ADGRE5: variants seen among roughly 807,000 people sequenced by gnomAD.
The protein encoded by ADGRE5 is CD97 molecule.
ADGRE5 carries 72 observed loss-of-function variants against 100.3 expected under a neutral mutation model. The ratio of observed to expected loss-of-function variants is 0.72; its 90% CI spans 0.59 to 0.87. The LOEUF is 0.87. Ranked by LOEUF, ADGRE5 falls within the 40% of genes least tolerant of loss-of-function variation. The pLI is 0.00. For missense variants in ADGRE5, 959 were observed against 1,094.7 expected, an observed-to-expected ratio of 0.88 and a Z score of 1.75; for synonymous variants, 439 against 447.8, an observed-to-expected ratio of 0.98 and a Z score of 0.25.
rs568310146 is a variant in ADGRE5, at chr19:14,397,427, C to T, written c.625+204C>T. Reference sequence around the variant, plus strand: ...CTGAGGGGGAAGGCTCAGGGGGACCCCAGGCAACAGCTGATGACTCACTGG... The same window carrying T: ...CTGAGGGGGAAGGCTCAGGGGGACCTCAGGCAACAGCTGATGACTCACTGG... On this transcript the variant is annotated intron_variant, in intron 6 of 19. Transcript: ENST00000242786. The T allele has an allele frequency of 1.2e-4, 81 of 663,208 alleles. No homozygotes were observed. The African/African-American group carries it at 1.3e-3, about 11-fold the overall frequency. The allele number at this position is 663,208 out of a possible 1,614,324, so 41.1% of individuals were successfully genotyped here.
intron 12 of ADGRE5, among the ~76,000 whole-genome samples, chr19:14,404,067 C>T (rs1390244015): frequency 7.9e-5 from 12 of 151,464 alleles, no homozygotes; most frequent in Admixed American, 1.3e-4. Context: ...TTAGTGGAGA[C>T]GGGGTTTCGC....
At chr19:14,381,682 A>G (rs1172880334) in intron 1 of ADGRE5, 137 bp downstream of exon 1, 7 of 1,021,782 alleles carry the variant, frequency 6.9e-6, no homozygotes, top group Non-Finnish European at 9.8e-6. Flanking sequence ...GCAGGCACTC[A>G]CGGGCACACG....
Position 14,408,216 on chromosome 19 carries a change from C to A in ADGRE5, c.*95C>A. ...CCTCCCTTCGTCCACCACTCTACTC[C>A]CTCCACCCTCCCTCCCTGATCCCGT... On this transcript the variant is annotated 3_prime_UTR_variant, in exon 20 of 20. Coordinates refer to ENST00000242786, the MANE Select transcript of ADGRE5 (RefSeq NM_078481.4). 7.5e-7 allele frequency: 1 copy of A among 1,338,312 alleles called. No homozygotes were observed. The highest frequency in any genetic ancestry group is 1.1e-6 in the Non-Finnish European group (1 of 947,568). The allele number at this position is 1,338,312 out of a possible 1,614,324, so 82.9% of individuals were successfully genotyped here.
Position 14,401,780 on chromosome 19 carries a change from G to C in ADGRE5, c.1183+20G>C, listed in dbSNP as rs200898011. On this transcript the variant is annotated intron_variant, in intron 11 of 19. Transcript: ENST00000242786. The surrounding 1 kb of genome is among the most constrained non-coding windows in gnomAD (Gnocchi z 4.1). Reference sequence around the variant, plus strand: ...ATCCAGGTAGCAGCGGTGGTCTGGAGGGGGAGCCCGTGGGAGAGAGATGGA... The same window carrying C: ...ATCCAGGTAGCAGCGGTGGTCTGGACGGGGAGCCCGTGGGAGAGAGATGGA... 271 of 1,494,444 alleles carry C rather than the reference G, an allele frequency of 1.8e-4. 1 individual carries two copies. In the African/African-American group the frequency reaches 3.6e-3, roughly 20 times the overall value. The allele number at this position is 1,494,444 out of a possible 1,614,324, so 92.6% of individuals were successfully genotyped here.
chr19:14,388,720 C>T lies in ADGRE5; in HGVS notation c.92C>T (p.Pro31Leu), dbSNP rs1186713269. 6.2e-7 allele frequency: 1 copy of T among 1,613,742 alleles called. No individual in the cohort carries two copies. The highest frequency in any genetic ancestry group is 1.3e-5 in the African/African-American group (1 of 74,908). The change falls in exon 3 of 20, where the codon CCT becomes CTT. Residue 31 changes from proline (P) to leucine (L), a missense_variant. This residue lies in a region of ADGRE5 where 114 missense variants were observed against 195.7 expected (regional missense o/e 0.58). Transcript: ENST00000242786. ...QDSRGCARWC[P>L]QNSSCVNATA... is the part of the protein sequence containing the mutation. ...CTTGCAGGCTGTGCCCGGTGGTGCC[C>T]TCAGAACTCCTCGTGTGTCAATGCC...
chr19:14,406,798 G>A lies in ADGRE5; in HGVS notation c.2115+32G>A, dbSNP rs774768569. ...ACCCACTCTCCCTCCACCGAAGCCCGAGCGCCACAGGCCCAGGCCCGGCTG... is the reference window on the plus strand; with the variant it reads ...ACCCACTCTCCCTCCACCGAAGCCCAAGCGCCACAGGCCCAGGCCCGGCTG... On this transcript the variant is annotated intron_variant, in intron 16 of 19. Transcript: ENST00000242786. This position sits in a 1 kb window ranked among gnomAD's most constrained non-coding sequence, Gnocchi z 6.0. 28 of 1,612,562 alleles carry A rather than the reference G, an allele frequency of 1.7e-5. No individual in the cohort carries two copies. The highest frequency in any genetic ancestry group is 2.7e-5 in the African/African-American group (2 of 74,866).
chr19:14,398,529 G>T (rs887702045), intron 9 of ADGRE5, among the ~76,000 whole-genome samples: 1 of 151,490 alleles, frequency 6.6e-6, no homozygotes, highest in Non-Finnish European at 1.5e-5. Context: ...AAAAAAATTA[G>T]CTGGGTGTGG....
chr19:14,406,476 G>T lies in ADGRE5; in HGVS notation c.1967G>T (p.Cys656Phe). ...CAGGGCCTGAGTACGCGCTGGCTCT[G>T]CCTGATCGGCTATGGCGTGCCCCTG... ...QGQGLSTRWL[C>F]LIGYGVPLLI... The change falls in exon 15 of 20, where the codon TGC (cysteine) becomes TTC (phenylalanine). Residue 656 changes from cysteine to phenylalanine, a missense_variant. Cys to Phe is a radical substitution (Grantham distance 205). Transcript: ENST00000242786. This position sits in a 1 kb window ranked among gnomAD's most constrained non-coding sequence, Gnocchi z 6.0. 2 of 1,566,462 alleles carry T rather than the reference G, an allele frequency of 1.3e-6. No individual in the cohort carries two copies. Among genetic ancestry groups the T allele is most frequent in the Non-Finnish European group, 1.7e-6 (2 of 1,155,734 alleles).
chr19:14,387,741 A>G (rs1273304401), intron 1 of ADGRE5, among the ~76,000 whole-genome samples: 1 of 151,086 alleles, frequency 6.6e-6, no homozygotes, highest in Non-Finnish European at 1.5e-5. Context: ...AAAAAAAATT[A>G]TTTTTAATTT....
chr19:14,398,246 G>A (rs1975860454), intron 9 of ADGRE5, 107 bp downstream of exon 9: 1 of 949,520 alleles, frequency 1.1e-6, no homozygotes. Context: ...TCTAGTCAGA[G>A]ACACACATGC....
At chr19:14,389,788 G>T (rs1221357101) in intron 3 of ADGRE5, among the ~76,000 whole-genome samples, 1 of 151,628 alleles carries the variant, frequency 6.6e-6, no homozygotes, top group Non-Finnish European at 1.5e-5. Context: ...AGAAAAGTAG[G>T]CCCGGCATGG....
At chr19:14,394,573 A>G (rs1975709053) in intron 4 of ADGRE5, among the ~76,000 whole-genome samples, 1 of 152,118 alleles carries the variant, frequency 6.6e-6, no homozygotes, top group Non-Finnish European at 1.5e-5. Flanking sequence ...CATAAAACAA[A>G]AGGGGGCTGG....
intron 4 of ADGRE5, among the ~76,000 whole-genome samples, chr19:14,393,429 C>T (rs185676012): frequency 4.6e-5 from 7 of 152,346 alleles, no homozygotes; most frequent in Admixed American, 4.6e-4. Context: ...ACTGGGACTC[C>T]AGGCTTTGCC....
intron 13 of ADGRE5, chr19:14,404,970 A>G (rs1976165908): frequency 5.2e-6 from 1 of 194,034 alleles, no homozygotes; most frequent in African/African-American, 2.4e-5. Flanking sequence ...TAGCCTCCCG[A>G]GTAGCCGAGA....
At chr19:14,384,974 C>CT (rs1174651944) in intron 1 of ADGRE5, among the ~76,000 whole-genome samples, 1 of 110,468 alleles carries the variant, frequency 9.1e-6, no homozygotes, top group Non-Finnish European at 2.0e-5. Context: ...TTGTTCTTTT[C>CT]TTTTCTTTCT....
chr19:14,402,459 T>G, intron 11 of ADGRE5, 138 bp from the exon 12 acceptor site: 2 of 808,508 alleles, frequency 2.5e-6, no homozygotes, highest in Non-Finnish European at 2.0e-6. Flanking sequence ...AAGGAACAAC[T>G]AGAAACTGAC....
chr19:14,401,310 G>C lies in ADGRE5; in HGVS notation c.898-76G>C. On this transcript the variant is annotated intron_variant, in intron 9 of 19. Transcript: ENST00000242786. The surrounding 1 kb of genome is among the most constrained non-coding windows in gnomAD (Gnocchi z 4.1). ...TGGGTCTCCAGTGTGTCCCCTGGTA[G>C]GGGGTGACATCCAGGTCCTTCAGGC... The C allele has an allele frequency of 7.6e-7, 1 of 1,313,618 alleles. No individual in the cohort carries two copies. The highest frequency in any genetic ancestry group is 1.1e-6 in the Non-Finnish European group (1 of 945,626). The allele number at this position is 1,313,618 out of a possible 1,614,324, so 81.4% of individuals were successfully genotyped here. A position where few individuals can be genotyped will look rare whatever the true frequency, so the allele number is the denominator to read the frequency against.
intron 1 of ADGRE5, 137 bp from the exon 2 acceptor site, chr19:14,388,313 C>T: frequency 6.8e-7 from 1 of 1,467,684 alleles, no homozygotes; most frequent in South Asian, 1.3e-5. Flanking sequence ...TGGGACATGA[C>T]ATCTGCTCAC....
At chr19:14,398,229 AG>A in intron 9 of ADGRE5, 90 bp downstream of exon 9, 4 of 1,152,676 alleles carry the variant, frequency 3.5e-6, no homozygotes, top group Non-Finnish European at 5.2e-6. Context: ...CAACCCAAGC[AG>A]GGGCCTCTAG....
Sources: gnomAD v4.1 joint callset for allele counts (sites outside exome capture counted in the v4.1 genomes callset) on GRCh38, gnomAD v4.1.1 for gene constraint, gnomAD v4.1.1 regional missense constraint, Gnocchi (gnomAD v3.1) non-coding constraint, MANE v1.5 for transcripts, NCBI Gene and HGNC (gene_info 2026-07-23, HGNC 2026-07-21) for gene names.